Variants in NAV3 observed in about 807,000 individuals in gnomAD.
NAV3 encodes the protein neuron navigator 3, also known as pore membrane and/or filament interacting like protein 1.
Under a neutral mutation model 244.7 loss-of-function variants are expected in NAV3, and 87 were observed. The ratio of observed to expected loss-of-function variants is 0.36; its 90% CI spans 0.30 to 0.42. The LOEUF is 0.42. NAV3 is among the 20% of genes least tolerant of loss of function. NAV3 has a pLI of 1.00. For synonymous variants in NAV3, 1,126 were observed against 1,042.2 expected, an observed-to-expected ratio of 1.08 and a Z score of -1.55; for missense variants, 2,663 against 2,893.3, an observed-to-expected ratio of 0.92 and a Z score of 1.83.
At chr12:77,886,913 G>A (rs1038745662) in intron 1 of NAV3, among the ~76,000 whole-genome samples, 9 of 152,176 alleles carry the variant, frequency 5.9e-5, no homozygotes, top group African/African-American at 2.2e-4. Context: ...TTCATTTAAT[G>A]TAGTGTGGAT....
At chr12:78,135,606 T>C (rs372854814) in intron 18 of NAV3, among the ~76,000 whole-genome samples, 149 of 151,890 alleles carry the variant, frequency 9.8e-4, no homozygotes, top group African/African-American at 3.2e-3. Flanking sequence ...AATACTTCAT[T>C]AATTTAAACA....
intron 7 of NAV3, among the ~76,000 whole-genome samples, chr12:78,001,624 G>C (rs75224090): frequency 0.014 from 2,069 of 152,216 alleles, 33 homozygotes; most frequent in South Asian, 0.038. Context: ...CACTTCAAAA[G>C]ATACATCTAA....
At chr12:77,885,220 G>A (rs752219167) in intron 1 of NAV3, among the ~76,000 whole-genome samples, 37 of 152,048 alleles carry the variant, frequency 2.4e-4, no homozygotes, top group Admixed American at 5.9e-4. Flanking sequence ...TTAATACACT[G>A]AAATGTGATT....
intron 1 of NAV3, among the ~76,000 whole-genome samples, chr12:77,931,466 G>C (rs1172888674): frequency 6.6e-6 from 1 of 151,780 alleles, no homozygotes; most frequent in African/African-American, 2.4e-5. Flanking sequence ...ATTTTATTCT[G>C]GCTTCTTTTT....
At chr12:77,604,097 C>T (rs1870562976) in intron 2 of NAV3, among the ~76,000 whole-genome samples, 1 of 151,910 alleles carries the variant, frequency 6.6e-6, no homozygotes, top group Non-Finnish European at 1.5e-5. Context: ...TGACAGGCTG[C>T]AAAGAGAAAC....
intron 23 of NAV3, among the ~76,000 whole-genome samples, chr12:78,162,988 G>GATGTTTTA (rs1269922200): frequency 1.4e-5 from 2 of 142,550 alleles, no homozygotes; most frequent in African/African-American, 5.2e-5. Context: ...AAACATATAG[G>GATGTTTTA]ATTTCAGGTG....
intron 2 of NAV3, among the ~76,000 whole-genome samples, chr12:77,658,753 AAACAGAGATATAGATCAATGGAACAG>A (rs1873263739): frequency 6.6e-6 from 1 of 151,972 alleles, no homozygotes; most frequent in Non-Finnish European, 1.5e-5. Flanking sequence ...ACTGGTAGCA[AAACAGAGATATAGATCAATGGAACAG>A]AACAGAGCCC....
intron 1 of NAV3, among the ~76,000 whole-genome samples, chr12:77,873,877 T>TC (rs1592855170): frequency 6.7e-6 from 1 of 148,188 alleles, no homozygotes; most frequent in East Asian, 2.0e-4. Flanking sequence ...AGCCCAGGGG[T>TC]CCCCAACCCC....
At chr12:77,939,898 G>A (rs957029850) in intron 1 of NAV3, among the ~76,000 whole-genome samples, 7 of 152,164 alleles carry the variant, frequency 4.6e-5, no homozygotes, top group Non-Finnish European at 7.3e-5. Flanking sequence ...AAATTCAATA[G>A]TGTTCTCAGA....
intron 5 of NAV3, among the ~76,000 whole-genome samples, chr12:77,992,011 G>T (rs973874024): frequency 1.3e-5 from 2 of 150,974 alleles, no homozygotes; most frequent in Non-Finnish European, 2.9e-5. Context: ...GTGACAGCAA[G>T]ACTCCATCTC....
At chr12:78,086,165 G>C (rs1953627900) in intron 12 of NAV3, among the ~76,000 whole-genome samples, 1 of 152,076 alleles carries the variant, frequency 6.6e-6, no homozygotes, top group Non-Finnish European at 1.5e-5. Context: ...AAAATGTTCA[G>C]ATAGTTCCTG....
intron 8 of NAV3, among the ~76,000 whole-genome samples, chr12:78,015,625 T>C (rs1225446541): frequency 6.6e-6 from 1 of 152,096 alleles, no homozygotes; most frequent in Non-Finnish European, 1.5e-5. Flanking sequence ...ATTAAGATAA[T>C]ATCTGCCACA....
chr12:77,993,456 T>C (rs928055785), intron 5 of NAV3, among the ~76,000 whole-genome samples: 1 of 152,186 alleles, frequency 6.6e-6, no homozygotes, highest in Non-Finnish European at 1.5e-5. Context: ...ATTACTGAGG[T>C]AGTTTAGCTA....
chr12:78,098,165 A>T (rs1954354162), intron 12 of NAV3, among the ~76,000 whole-genome samples: 1 of 152,132 alleles, frequency 6.6e-6, no homozygotes, highest in Non-Finnish European at 1.5e-5. Context: ...TGTTTGATGC[A>T]CTAATACATG....
At chr12:77,601,949 G>A (rs980824949) in intron 2 of NAV3, among the ~76,000 whole-genome samples, 2 of 151,922 alleles carry the variant, frequency 1.3e-5, no homozygotes, top group African/African-American at 2.4e-5. Context: ...TGAAATTCTG[G>A]CTTTTTTAGC....
intron 38 of NAV3, 24 bp downstream of exon 38, chr12:78,200,615 T>TA: frequency 8.2e-7 from 1 of 1,213,422 alleles, no homozygotes; most frequent in Non-Finnish European, 1.1e-6. Context: ...TTTTCATTGC[T>TA]ATTTTTTTTT....
chr12:77,883,163 A>G (rs12317350), intron 1 of NAV3, among the ~76,000 whole-genome samples: 3,037 of 152,274 alleles, frequency 0.02, 110 homozygotes, highest in African/African-American at 0.066. Context: ...GCTGTTCACA[A>G]TAGGAAAGAC....
intron 12 of NAV3, among the ~76,000 whole-genome samples, chr12:78,069,728 T>A (rs73350629): frequency 0.06 from 9,057 of 152,046 alleles, 606 homozygotes; most frequent in African/African-American, 0.17. Context: ...ACTATATTCA[T>A]GAATTTGTTT....
chr12:77,928,242 A>AAAAGAG (rs753246963), intron 1 of NAV3, among the ~76,000 whole-genome samples: 1 of 137,842 alleles, frequency 7.3e-6, no homozygotes, highest in Non-Finnish European at 1.5e-5. Flanking sequence ...AAAAAAAAAA[A>AAAAGAG]AGAGAGAGAG....
Sources: gnomAD v4.1 joint callset for allele counts (sites outside exome capture counted in the v4.1 genomes callset) on GRCh38, gnomAD v4.1.1 for gene constraint, MANE v1.5 for transcripts, NCBI Gene and HGNC (gene_info 2026-07-23, HGNC 2026-07-21) for gene names.